DOCK8: variants seen among roughly 807,000 people sequenced by gnomAD.
The protein encoded by DOCK8 is dedicator of cytokinesis 8.
Under a neutral mutation model 245.6 loss-of-function variants are expected in DOCK8, and 141 were observed. The ratio of observed to expected loss-of-function variants is 0.57; its 90% CI spans 0.50 to 0.66. The LOEUF is 0.66. DOCK8 is among the 30% of genes least tolerant of loss of function. The pLI is 0.00. For missense variants in DOCK8, 2,965 were observed against 2,603.4 expected, an observed-to-expected ratio of 1.14 and a Z score of -3.02; for synonymous variants, 1,168 against 970.2, an observed-to-expected ratio of 1.20 and a Z score of -3.79.
In DOCK8 at chr9:215,066, A is replaced by G. The variant is rs749848981; in HGVS notation, c.53+37A>G. On this transcript the variant is annotated intron_variant, in intron 1 of 47. Coordinates refer to ENST00000432829, the MANE Select transcript of DOCK8 (RefSeq NM_203447.4). ...CCCGCGGCGCGCAGGTTGCGGCCGG[A>G]CAGCCCAGCGCTGGTGTGAAGCGGA... The G allele has an allele frequency of 7.7e-6, 12 of 1,549,718 alleles. No individual in the cohort carries two copies. The Admixed American group carries it at 1.1e-4, about 14-fold the overall frequency.
intron 46 of DOCK8, among the ~76,000 whole-genome samples, chr9:458,769 C>G (rs1297549361): frequency 6.6e-6 from 1 of 152,144 alleles, no homozygotes; most frequent in African/African-American, 2.4e-5. Flanking sequence ...TGAGATCATG[C>G]CACTGCCTTC....
chr9:336,510 T>C (rs2051318871), intron 11 of DOCK8, 72 bp from the exon 12 acceptor site: 3 of 1,593,676 alleles, frequency 1.9e-6, no homozygotes, highest in Admixed American at 1.7e-5. Context: ...ATCATACATA[T>C]TGTGAAGTTA....
At chr9:332,847 G>A (rs932459050) in intron 10 of DOCK8, among the ~76,000 whole-genome samples, 7 of 151,426 alleles carry the variant, frequency 4.6e-5, no homozygotes, top group African/African-American at 1.5e-4. Flanking sequence ...TTTTAGAGAT[G>A]GGGTCTCACT....
intron 14 of DOCK8, among the ~76,000 whole-genome samples, chr9:352,248 A>AG (rs749597040): frequency 6.6e-6 from 1 of 152,116 alleles, no homozygotes; most frequent in Non-Finnish European, 1.5e-5. Context: ...TTGTTACAGG[A>AG]GCCATGGTCT....
chr9:343,380 C>G (rs893240793), intron 14 of DOCK8, among the ~76,000 whole-genome samples: 4 of 151,998 alleles, frequency 2.6e-5, no homozygotes, highest in African/African-American at 9.7e-5. Context: ...CCCTGTAGTT[C>G]TAGCTACCCA....
intron 24 of DOCK8, among the ~76,000 whole-genome samples, chr9:391,275 T>G (rs7870089): frequency 0.033 from 5,054 of 152,268 alleles, 110 homozygotes; most frequent in African/African-American, 0.036. Context: ...TCCTCTATTA[T>G]CCTCCTTCTG....
chr9:225,683 C>T (rs911312029), intron 1 of DOCK8, among the ~76,000 whole-genome samples: 4 of 152,036 alleles, frequency 2.6e-5, no homozygotes, highest in African/African-American at 7.3e-5. Flanking sequence ...AAGTAATATA[C>T]CAGTGGGGAG....
intron 33 of DOCK8, among the ~76,000 whole-genome samples, chr9:423,517 A>C (rs1368800211): frequency 2.0e-5 from 3 of 152,200 alleles, no homozygotes. Flanking sequence ...TTTGTAAATA[A>C]ATGTGAGTTA....
At chr9:271,074 A>C (rs987113829) in intron 1 of DOCK8, among the ~76,000 whole-genome samples, 1 of 152,248 alleles carries the variant, frequency 6.6e-6, no homozygotes, top group African/African-American at 2.4e-5. Flanking sequence ...GCAAAGGATC[A>C]CTGAACTAGG....
intron 25 of DOCK8, among the ~76,000 whole-genome samples, chr9:398,090 C>T (rs548941350): frequency 1.2e-3 from 178 of 152,274 alleles, no homozygotes; most frequent in Middle Eastern, 3.4e-3. Context: ...TCGGTTATTC[C>T]TCATGGCAAA....
intron 1 of DOCK8, among the ~76,000 whole-genome samples, chr9:218,329 A>G (rs890559659): frequency 1.3e-5 from 2 of 152,240 alleles, no homozygotes; most frequent in African/African-American, 2.4e-5. Context: ...TATTATTTGT[A>G]AAGCGTTCAG....
chr9:274,580 C>G (rs1052755540), intron 2 of DOCK8, among the ~76,000 whole-genome samples: 3 of 149,986 alleles, frequency 2.0e-5, no homozygotes, highest in African/African-American at 7.4e-5. Flanking sequence ...AATGAAGTGG[C>G]TGTTCTTCCC....
At chr9:276,958 C>T in intron 2 of DOCK8, 1 of 340,244 alleles carries the variant, frequency 2.9e-6, no homozygotes, top group Non-Finnish European at 6.1e-6. Flanking sequence ...ACAGGCGCAC[C>T]ATTGCGCCTG....
At chr9:458,139 C>T (rs950650617) in intron 46 of DOCK8, 4 of 152,116 alleles carry the variant, frequency 2.6e-5, no homozygotes, top group African/African-American at 4.8e-5. Flanking sequence ...TGGAGGTAGT[C>T]GATGTAGAGC....
At position 441,735 on chromosome 9, in the gene DOCK8, T is replaced by G. The variant is rs1287254198; in HGVS notation, c.5356-140T>G. 3.6e-6 allele frequency: 4 copies of G among 1,114,574 alleles called. No individual in the cohort carries two copies. In the Admixed American group the frequency reaches 7.1e-5, roughly 20 times the overall value. The allele number at this position is 1,114,574 out of a possible 1,614,324, so 69.0% of individuals were successfully genotyped here. On this transcript the variant is annotated intron_variant, in intron 41 of 47. Coordinates refer to ENST00000432829, the MANE Select transcript of DOCK8 (RefSeq NM_203447.4). ...AGTTTATTCCATAAGCATTAAATTT[T>G]TTTAAGGAGTAATTTCTGTTTACAT...
intron 32 of DOCK8, 49 bp downstream of exon 32, chr9:421,127 G>T: frequency 6.2e-7 from 1 of 1,612,174 alleles, no homozygotes; most frequent in Non-Finnish European, 8.5e-7. Flanking sequence ...GTTTTTCACT[G>T]TTTGTGGGGA....
At chr9:400,215 T>A (rs147952503) in intron 26 of DOCK8, among the ~76,000 whole-genome samples, 1 of 14,824 alleles carries the variant, frequency 6.7e-5, no homozygotes, top group East Asian at 2.6e-3. Context: ...CCACCTCCAC[T>A]ATCACCACCA....
Position 334,322 on chromosome 9 carries a change from T to C in DOCK8, c.1223T>C (p.Leu408Ser), listed in dbSNP as rs762325480. The change falls in exon 11 of 48, where the codon TTA becomes TCA. Residue 408 changes from leucine (L) to serine (S), a missense_variant. Leu to Ser is a moderately radical substitution (Grantham distance 145). Coordinates refer to ENST00000432829, the MANE Select transcript of DOCK8 (RefSeq NM_203447.4). ...RMPFAWAPIS[L>S]SSFFNVSTLE... is the part of the protein sequence containing the mutation. ...CCCTTTGCCTGGGCACCCATAAGCT[T>C]ATCAAGCTTCTTCAATGTCTCCACC... is the stretch of plus-strand genomic sequence containing the variant. The C allele has an allele frequency of 1.9e-6, 3 of 1,614,192 alleles. No individual in the cohort carries two copies. Among genetic ancestry groups the C allele is most frequent in the South Asian group, 1.1e-5 (1 of 91,086 alleles).
chr9:441,227 G>T, intron 40 of DOCK8, 59 bp from the exon 41 acceptor site: 1 of 1,606,960 alleles, frequency 6.2e-7, no homozygotes, highest in Non-Finnish European at 8.5e-7. Context: ...ACCTCTGGTT[G>T]CTCTTCTTAA....
Sources: allele counts gnomAD v4.1 joint callset (sites outside exome capture counted in the v4.1 genomes callset), GRCh38; gene constraint gnomAD v4.1.1; transcripts MANE v1.5; gene names NCBI Gene and HGNC (gene_info 2026-07-23, HGNC 2026-07-21).